The following HS6ST1 variants were observed in gnomAD, a reference collection of about 807,000 sequenced individuals.
The protein encoded by HS6ST1 is heparan sulfate 6-O-sulfotransferase 1, also known as heparan-sulfate 6-O-sulfotransferase 1.
Under a neutral mutation model 25.2 loss-of-function variants are expected in HS6ST1, and 3 were observed. The observed-to-expected ratio is 0.12, with a 90% CI of 0.05 to 0.31. The LOEUF (loss-of-function observed/expected upper bound fraction) is 0.31, where lower values mean the gene tolerates loss of function less well. HS6ST1 is among the 10% of genes least tolerant of loss of function. HS6ST1 has a pLI of 1.00. For missense variants in HS6ST1, 310 were observed against 609.6 expected, an observed-to-expected ratio of 0.51 and a Z score of 5.18; for synonymous variants, 204 against 275.1, an observed-to-expected ratio of 0.74 and a Z score of 2.56.
At chr2:128,312,057 C>T (rs1401051585) in intron 1 of HS6ST1, among the ~76,000 whole-genome samples, 1 of 152,230 alleles carries the variant, frequency 6.6e-6, no homozygotes, top group Admixed American at 6.5e-5. Context: ...CAGGTGTCTT[C>T]CAGTAAACGC....
At chr2:128,284,281 G>T (rs1270273603) in intron 1 of HS6ST1, among the ~76,000 whole-genome samples, 1 of 151,596 alleles carries the variant, frequency 6.6e-6, no homozygotes, top group Non-Finnish European at 1.5e-5. Context: ...ACAGGCACCT[G>T]GTCCCCTCAT....
chr2:128,275,759 G>C (rs1693685730), intron 1 of HS6ST1, among the ~76,000 whole-genome samples: 1 of 152,204 alleles, frequency 6.6e-6, no homozygotes, highest in African/African-American at 2.4e-5. Context: ...GAGACGGTGA[G>C]AACAGTCATC....
At chr2:128,268,930 G>T in intron 1 of HS6ST1, 60 bp from the exon 2 acceptor site, 1 of 1,441,214 alleles carries the variant, frequency 6.9e-7, no homozygotes, top group Non-Finnish European at 9.6e-7. Flanking sequence ...GGGCTACCAG[G>T]GCTGCTCTGA....
chr2:128,281,518 C>A (rs868207766), intron 1 of HS6ST1, among the ~76,000 whole-genome samples: 1 of 152,210 alleles, frequency 6.6e-6, no homozygotes, highest in Non-Finnish European at 1.5e-5. Flanking sequence ...GACCGGAAAG[C>A]GGATGTGACC....
chr2:128,278,295 T>C (rs1439675745), intron 1 of HS6ST1, among the ~76,000 whole-genome samples: 1 of 152,234 alleles, frequency 6.6e-6, no homozygotes, highest in Non-Finnish European at 1.5e-5. Context: ...TGACCCAAAC[T>C]CATGCCTGCA....
At chr2:128,314,648 C>T (rs1240026621) in intron 1 of HS6ST1, among the ~76,000 whole-genome samples, 1 of 152,154 alleles carries the variant, frequency 6.6e-6, no homozygotes, top group Non-Finnish European at 1.5e-5. Flanking sequence ...AGGTCAAAGG[C>T]GAGGCTGCGG....
chr2:128,292,396 G>C (rs1349217057), intron 1 of HS6ST1, among the ~76,000 whole-genome samples: 2 of 152,248 alleles, frequency 1.3e-5, no homozygotes, highest in African/African-American at 4.8e-5. Context: ...CACCTTCTCA[G>C]GGCAGGGACG....
intron 1 of HS6ST1, among the ~76,000 whole-genome samples, chr2:128,310,192 A>G (rs1694267769): frequency 6.6e-6 from 1 of 152,164 alleles, no homozygotes; most frequent in South Asian, 2.1e-4. Context: ...CTGAATCCCT[A>G]TGGATTCCCT....
chr2:128,313,809 G>A (rs1198541348), intron 1 of HS6ST1, among the ~76,000 whole-genome samples: 3 of 152,052 alleles, frequency 2.0e-5, no homozygotes, highest in East Asian at 3.9e-4. Context: ...TGCGTGAAGT[G>A]CCTAGGACAG....
chr2:128,270,109 G>T (rs1405767801), intron 1 of HS6ST1, among the ~76,000 whole-genome samples: 2 of 152,208 alleles, frequency 1.3e-5, no homozygotes, highest in Non-Finnish European at 2.9e-5. Flanking sequence ...GGGGTAGCCA[G>T]TGATGGCTCC....
chr2:128,292,476 C>T (rs972521341), intron 1 of HS6ST1, among the ~76,000 whole-genome samples: 5 of 152,192 alleles, frequency 3.3e-5, no homozygotes, highest in African/African-American at 9.7e-5. Context: ...CTCCTCACCC[C>T]GGCGCTCTGG....
chr2:128,296,495 T>C (rs1052305864), intron 1 of HS6ST1, among the ~76,000 whole-genome samples: 1 of 152,238 alleles, frequency 6.6e-6, no homozygotes, highest in African/African-American at 2.4e-5. Flanking sequence ...AAAAACCTGT[T>C]AGAGCTAATA....
intron 1 of HS6ST1, among the ~76,000 whole-genome samples, chr2:128,317,719 A>G (rs1053013450): frequency 6.6e-6 from 1 of 152,262 alleles, no homozygotes; most frequent in Non-Finnish European, 1.5e-5. Flanking sequence ...CACGGCGCAC[A>G]GCAGGTAAGG....
chr2:128,268,125 C>A lies in HS6ST1; in HGVS notation c.*37G>T. ...GTCGTCTGTCCTGTTTTATCCCCCA[C>A]ACCCCCCAAGAGGCCTCCCCGTGGC... On this transcript the variant is annotated 3_prime_UTR_variant, in exon 2 of 2. Coordinates refer to ENST00000259241, the MANE Select transcript of HS6ST1 (RefSeq NM_004807.3). 1 of 1,478,626 alleles carries A rather than the reference C, an allele frequency of 6.8e-7. No individual in the cohort carries two copies. The highest frequency in any genetic ancestry group is 2.4e-5 in the East Asian group (1 of 41,754). The allele number at this position is 1,478,626 out of a possible 1,614,324, so 91.6% of individuals were successfully genotyped here.
At chr2:128,316,716 T>C (rs1438347109) in intron 1 of HS6ST1, among the ~76,000 whole-genome samples, 1 of 151,696 alleles carries the variant, frequency 6.6e-6, no homozygotes, top group Non-Finnish European at 1.5e-5. Context: ...TGGGTGTGTG[T>C]GTGTACAGTT....
intron 1 of HS6ST1, among the ~76,000 whole-genome samples, chr2:128,270,579 C>T (rs1573688105): frequency 6.6e-6 from 1 of 152,194 alleles, no homozygotes; most frequent in Admixed American, 6.5e-5. Flanking sequence ...AGTAAGGGCC[C>T]GAGGCGGCCG....
intron 1 of HS6ST1, among the ~76,000 whole-genome samples, chr2:128,277,712 G>A (rs963462445): frequency 2.6e-5 from 4 of 152,242 alleles, no homozygotes; most frequent in Admixed American, 6.5e-5. Flanking sequence ...CACTCTATAG[G>A]AAAACGAGGT....
intron 1 of HS6ST1, among the ~76,000 whole-genome samples, chr2:128,311,726 G>T (rs1286383773): frequency 6.6e-6 from 1 of 152,190 alleles, no homozygotes; most frequent in Non-Finnish European, 1.5e-5. Flanking sequence ...CATTCACTGG[G>T]GCAGAGCAAG....
intron 1 of HS6ST1, among the ~76,000 whole-genome samples, chr2:128,313,682 G>A (rs919331336): frequency 2.6e-5 from 4 of 152,282 alleles, no homozygotes; most frequent in Non-Finnish European, 5.9e-5. Flanking sequence ...GTGGCAGCCA[G>A]AACTCCTGCT....
Sources: gnomAD v4.1 joint callset for allele counts (sites outside exome capture counted in the v4.1 genomes callset) on GRCh38, gnomAD v4.1.1 for gene constraint, MANE v1.5 for transcripts, NCBI Gene and HGNC (gene_info 2026-07-23, HGNC 2026-07-21) for gene names.